Variants in RASGRP3 observed in about 807,000 individuals in gnomAD.
The protein encoded by RASGRP3 is RAS guanyl releasing protein 3.
A neutral mutation model predicts 82.7 loss-of-function variants in RASGRP3; 54 were observed. That is an observed-to-expected ratio of 0.65 (90% confidence interval 0.52 to 0.82). The LOEUF (loss-of-function observed/expected upper bound fraction) is 0.82. Among genes scored for constraint, RASGRP3 ranks in the 40% least tolerant of loss-of-function variants. RASGRP3 has a pLI of 0.00. For missense variants in RASGRP3, 861 were observed against 828.9 expected (o/e 1.04, Z -0.48); for synonymous variants, 309 against 300.5 (o/e 1.03, Z -0.29).
chr2:33,559,082 G>T, intron 17 of RASGRP3, 52 bp downstream of exon 17: 3 of 1,435,496 alleles, frequency 2.1e-6, no homozygotes, highest in Non-Finnish European at 2.8e-6. Context: ...GGCTGAAAGT[G>T]CTGAGATGAG....
rs1360210840 is a variant in RASGRP3, at chr2:33,452,303, A to G, written c.-261+4360A>G. Among the ~76,000 whole-genome samples, 4 of 152,180 alleles carry G rather than the reference A, an allele frequency of 2.6e-5. No individual in the cohort carries two copies. The East Asian group carries it at 5.8e-4, about 22-fold the overall frequency. ...CTTATTATTCACTATCTTTGTGGCT[A>G]TATATTGATGTCTATGCATATGAAG... is the stretch of plus-strand genomic sequence containing the variant. On this transcript the variant is annotated intron_variant, in intron 2 of 18. Transcript: ENST00000402538.
chr2:33,461,859 G>A (rs571428401), intron 2 of RASGRP3, among the ~76,000 whole-genome samples: 1 of 152,312 alleles, frequency 6.6e-6, no homozygotes, highest in African/African-American at 2.4e-5. Context: ...TGATACTCCA[G>A]AAAAGGCGTG....
At chr2:33,469,547 C>G (rs986843154) in intron 2 of RASGRP3, among the ~76,000 whole-genome samples, 1 of 151,770 alleles carries the variant, frequency 6.6e-6, no homozygotes, top group Non-Finnish European at 1.5e-5. Flanking sequence ...GCAACCTCCA[C>G]CTCCTGGGCT....
rs551511091 is a variant in RASGRP3, at chr2:33,514,998, CT to C, written c.-127-3del. On this transcript the variant is annotated splice_polypyrimidine_tract_variant and intron_variant, in intron 2 of 17. Coordinates refer to ENST00000403687, the MANE Select transcript of RASGRP3 (RefSeq NM_001139488.2). ...AGTCTAATAACTTTCTCTCTTTTTT[CT>C]TTTTTTTTAGAGTTTTCTTGAAGTA... 392 of 732,314 alleles carry C rather than the reference CT, an allele frequency of 5.4e-4. No individual in the cohort carries two copies. The highest frequency in any genetic ancestry group is 9.7e-4 in the Middle Eastern group (4 of 4,106). The allele number at this position is 732,314 out of a possible 1,614,324, so 45.4% of individuals were successfully genotyped here.
chr2:33,475,983 C>A (rs183261418), upstream of RASGRP3, among the ~76,000 whole-genome samples: 71 of 152,354 alleles, frequency 4.7e-4, 1 homozygote, highest in East Asian at 6.7e-3. Flanking sequence ...CCTGAAATCA[C>A]TTCCAAGAGC....
intron 7 of RASGRP3, among the ~76,000 whole-genome samples, chr2:33,522,744 G>A (rs79587476): frequency 1.3e-5 from 2 of 152,044 alleles, no homozygotes; most frequent in African/African-American, 2.4e-5. Context: ...GCTTTGTCTC[G>A]CCAAGCTGTG....
chr2:33,547,677 T>C (rs989942774), intron 13 of RASGRP3, among the ~76,000 whole-genome samples: 1 of 152,142 alleles, frequency 6.6e-6, no homozygotes, highest in African/African-American at 2.4e-5. Flanking sequence ...TCAGCCCCAC[T>C]GTAAGCTGGA....
chr2:33,437,654 G>A (rs1306509211), intron 1 of RASGRP3, among the ~76,000 whole-genome samples: 3 of 152,206 alleles, frequency 2.0e-5, no homozygotes, highest in Admixed American at 2.0e-4. Context: ...AACCGGCACA[G>A]GAGGCCAGGA....
rs149851094 is a variant in RASGRP3 at position 33,554,709 on chromosome 2, G to A, written c.1543-822G>A. ...AGGATGGTCTCGATCTCCTGACCTC[G>A]TGATCTGCTCTTCTCGGCCTCCAAA... is the stretch of plus-strand genomic sequence containing the variant. On this transcript the variant is annotated intron_variant, in intron 14 of 17. Transcript: ENST00000403687. 2.0e-3 allele frequency among the ~76,000 whole-genome samples: 311 copies of A among 152,144 alleles called. 1 individual carries two copies. The highest frequency in any genetic ancestry group is 7.3e-3 in the African/African-American group (301 of 41,494).
In RASGRP3 at chr2:33,562,982, T is replaced by TG; in HGVS notation, c.*246dup. 1 of 493,060 alleles carries TG rather than the reference T, an allele frequency of 2.0e-6. No individual in the cohort carries two copies. The highest frequency in any genetic ancestry group is 2.6e-5 in the South Asian group (1 of 38,428). 30.5% of individuals were successfully genotyped at this position (493,060 alleles called of 1,614,324 possible). ...GTTAAGTGCCACAAAGACTGTGTTA[T>TG]GTAGTCAGTACTTTTTTCTCATGTA... is the stretch of plus-strand genomic sequence containing the variant. On this transcript the variant is annotated 3_prime_UTR_variant, in exon 18 of 18. Coordinates refer to ENST00000403687, the MANE Select transcript of RASGRP3 (RefSeq NM_001139488.2).
At chr2:33,438,258 T>C (rs1001113146) in intron 1 of RASGRP3, among the ~76,000 whole-genome samples, 1 of 152,246 alleles carries the variant, frequency 6.6e-6, no homozygotes. Context: ...CAGATGACCA[T>C]AGATTTATAA....
At chr2:33,452,864 G>A (rs2150887126) in intron 2 of RASGRP3, among the ~76,000 whole-genome samples, 1 of 152,310 alleles carries the variant, frequency 6.6e-6, no homozygotes, top group East Asian at 1.9e-4. Flanking sequence ...ATAGGGGCTG[G>A]CCCAGCATTA....
intron 10 of RASGRP3, chr2:33,533,720 T>G (rs1673321824): frequency 1.3e-5 from 2 of 152,910 alleles, no homozygotes; most frequent in Admixed American, 1.3e-4. Flanking sequence ...GCTGCCTCCC[T>G]GATTTCTGAC....
intron 2 of RASGRP3, among the ~76,000 whole-genome samples, chr2:33,470,918 A>G (rs1019242924): frequency 2.0e-5 from 3 of 152,082 alleles, no homozygotes; most frequent in African/African-American, 7.2e-5. Flanking sequence ...TTTTCTCATA[A>G]AATTCTTCTT....
intron 1 of RASGRP3, among the ~76,000 whole-genome samples, chr2:33,490,319 T>A (rs1323899189): frequency 6.6e-6 from 1 of 152,254 alleles, no homozygotes; most frequent in African/African-American, 2.4e-5. Context: ...GCTCATATTC[T>A]ACACACGTTT....
In RASGRP3 at chr2:33,450,822, CTTTTTTTTTTTTT is replaced by C. The variant is rs1170217165; in HGVS notation, c.-261+2900_-261+2912del. Among the ~76,000 whole-genome samples, 149 of 18,976 alleles carry C rather than the reference CTTTTTTTTTTTTT, an allele frequency of 7.9e-3. No individual in the cohort carries two copies. In the East Asian group the frequency reaches 0.082, roughly 10 times the overall value. 12.4% of individuals were successfully genotyped at this position (18,976 alleles called of 152,430 possible). A position where few individuals can be genotyped will look rare whatever the true frequency, so the allele number is the denominator to read the frequency against. On this transcript the variant is annotated intron_variant, in intron 2 of 18. Coordinates refer to the RASGRP3 transcript ENST00000402538. ...TCTTTCTTTTTCTCTTTCTTTCTTT[CTTTTTTTTTTTTT>C]TTTTTTTTTTTTTTTTTTTTGAGAC...
intron 2 of RASGRP3, among the ~76,000 whole-genome samples, chr2:33,462,454 T>C (rs1574251959): frequency 6.6e-6 from 1 of 150,878 alleles, no homozygotes; most frequent in Non-Finnish European, 1.5e-5. Context: ...ATCGGCACAC[T>C]GCAACCTACA....
intron 1 of RASGRP3, among the ~76,000 whole-genome samples, chr2:33,492,868 A>G (rs1300317068): frequency 6.6e-6 from 1 of 152,176 alleles, no homozygotes; most frequent in Non-Finnish European, 1.5e-5. Context: ...GGGGAGGGGA[A>G]CATTCTAGTG....
chr2:33,484,788 A>C (rs1356194100), intron 1 of RASGRP3, among the ~76,000 whole-genome samples: 2 of 152,234 alleles, frequency 1.3e-5, no homozygotes, highest in East Asian at 3.8e-4. Context: ...TAGAGAAGTC[A>C]TATACCTTGT....
Sources: gnomAD v4.1 joint callset for allele counts (sites outside exome capture counted in the v4.1 genomes callset) on GRCh38, gnomAD v4.1.1 for gene constraint, MANE v1.5 for transcripts, NCBI Gene and HGNC (gene_info 2026-07-23, HGNC 2026-07-21) for gene names.